ANKRD6: variants seen among roughly 807,000 people sequenced by gnomAD.
ANKRD6 encodes ankyrin repeat domain-containing protein 6.
ANKRD6 carries 56 observed loss-of-function variants against 82.3 expected under a neutral mutation model. The observed-to-expected ratio is 0.68, with a 90% confidence interval of 0.55 to 0.85. The LOEUF (loss-of-function observed/expected upper bound fraction) is 0.85. ANKRD6 is among the 40% of genes least tolerant of loss of function. ANKRD6 has a pLI of 0.00. For synonymous variants in ANKRD6, 347 were observed against 352.1 expected, an observed-to-expected ratio of 0.99 and a Z score of 0.16; for missense variants, 852 against 907.6, an observed-to-expected ratio of 0.94 and a Z score of 0.79.
intron 13 of ANKRD6, among the ~76,000 whole-genome samples, chr6:89,625,724 G>T (rs1805411760): frequency 6.7e-6 from 1 of 148,594 alleles, no homozygotes. Flanking sequence ...TCGTAAAATA[G>T]TATTTGTTAC....
rs1020570623 is a variant in ANKRD6, at chr6:89,533,722, A to G, written c.-143-33112A>G. Among the ~76,000 whole-genome samples the G allele has an allele frequency of 1.5e-4, 20 of 131,168 alleles. No individual in the cohort carries two copies. The South Asian group carries it at 4.3e-3, about 28-fold the overall frequency. The allele number at this position is 131,168 out of a possible 152,430, so 86.1% of individuals were successfully genotyped here. A position where few individuals can be genotyped will look rare whatever the true frequency, so the allele number is the denominator to read the frequency against. On this transcript the variant is annotated intron_variant, in intron 1 of 15. Transcript: ENST00000339746. The stretch of plus-strand genomic sequence containing the variant: ...CGAATGAGAGAGAGAGAGAGAGAGA[A>G]AATGAGTGTGTGTGTGTGTGTGTGT...
intron 1 of ANKRD6, among the ~76,000 whole-genome samples, chr6:89,451,176 G>A (rs1458357340): frequency 1.3e-5 from 2 of 152,124 alleles, no homozygotes; most frequent in Non-Finnish European, 2.9e-5. Flanking sequence ...GGGCATGGTG[G>A]CGTGTGCCTG....
chr6:89,458,305 T>C (rs1232876010), intron 1 of ANKRD6, among the ~76,000 whole-genome samples: 1 of 152,164 alleles, frequency 6.6e-6, no homozygotes, highest in Admixed American at 6.5e-5. Context: ...TTAGGTTTCT[T>C]TAGAGGGACA....
At chr6:89,556,411 T>C (rs966898174) in intron 1 of ANKRD6, among the ~76,000 whole-genome samples, 2 of 152,238 alleles carry the variant, frequency 1.3e-5, no homozygotes, top group African/African-American at 4.8e-5. Context: ...TATAAAGTTA[T>C]CTTTTATTGA....
intron 9 of ANKRD6, 45 bp downstream of exon 9, chr6:89,618,076 C>A: frequency 6.2e-7 from 1 of 1,603,540 alleles, no homozygotes; most frequent in Non-Finnish European, 8.5e-7. Flanking sequence ...TGCGGGACTA[C>A]AAAGTTGTTG....
At chr6:89,435,337 A>G (rs1015496962) in intron 1 of ANKRD6, among the ~76,000 whole-genome samples, 1 of 152,076 alleles carries the variant, frequency 6.6e-6, no homozygotes, top group African/African-American at 2.4e-5. Flanking sequence ...ACCCCTCTCC[A>G]TTGCCTTCCA....
intron 1 of ANKRD6, among the ~76,000 whole-genome samples, chr6:89,443,044 A>G (rs2127941479): frequency 6.6e-6 from 1 of 152,322 alleles, no homozygotes; most frequent in East Asian, 1.9e-4. Flanking sequence ...ATATTTTGGG[A>G]TAAAATACTT....
Position 89,612,353 on chromosome 6 carries a change from G to C in ANKRD6, c.499G>C (p.Ala167Pro). 1 of 1,558,580 alleles carries C rather than the reference G, an allele frequency of 6.4e-7. No homozygotes were observed. Among genetic ancestry groups the C allele is most frequent in the African/African-American group, 1.4e-5 (1 of 73,636 alleles). Reference protein sequence around the residue: ...TRVLLLAGSRADLKNNAGDTC... With the variant: ...TRVLLLAGSRPDLKNNAGDTC... ...CGTCCTCCTGCTGGCCGGGTCCCGC[G>C]CTGACCTCAAAAATAATGTGGGTGA... The change falls in exon 6 of 16, where the codon GCT becomes CCT. Residue 167 changes from alanine to proline, a missense_variant. Transcript: ENST00000339746.
chr6:89,598,682 A>T (rs1257659388), intron 3 of ANKRD6, among the ~76,000 whole-genome samples: 2 of 152,164 alleles, frequency 1.3e-5, no homozygotes, highest in Non-Finnish European at 2.9e-5. Flanking sequence ...TCTCAGAAAA[A>T]CTGAGAGCTG....
chr6:89,479,700 C>A (rs946529715), intron 1 of ANKRD6, among the ~76,000 whole-genome samples: 3 of 150,944 alleles, frequency 2.0e-5, no homozygotes, highest in African/African-American at 7.3e-5. Context: ...TATACATGTG[C>A]CATGCTGGTG....
chr6:89,508,616 A>G (rs1780157780), intron 1 of ANKRD6, among the ~76,000 whole-genome samples: 1 of 152,174 alleles, frequency 6.6e-6, no homozygotes, highest in Admixed American at 6.5e-5. Context: ...TGCCTCAGCT[A>G]CTGAGATTGA....
intron 2 of ANKRD6, among the ~76,000 whole-genome samples, chr6:89,589,270 G>A (rs559698115): frequency 2.0e-5 from 3 of 152,252 alleles, no homozygotes; most frequent in African/African-American, 4.8e-5. Context: ...CCCAGGCCCC[G>A]TGCAGTCAGT....
chr6:89,500,200 G>A (rs1329432332), intron 1 of ANKRD6, among the ~76,000 whole-genome samples: 1 of 152,122 alleles, frequency 6.6e-6, no homozygotes, highest in African/African-American at 2.4e-5. Flanking sequence ...GGTCACTTGA[G>A]CAACACAGGG....
At chr6:89,438,847 T>C (rs942792337) in intron 1 of ANKRD6, among the ~76,000 whole-genome samples, 1 of 152,298 alleles carries the variant, frequency 6.6e-6, no homozygotes, top group Admixed American at 6.5e-5. Flanking sequence ...TTTGCCACAT[T>C]GGCCAGTCTG....
intron 1 of ANKRD6, among the ~76,000 whole-genome samples, chr6:89,458,700 G>A (rs1773765315): frequency 1.3e-5 from 2 of 152,220 alleles, no homozygotes; most frequent in Admixed American, 6.5e-5. Context: ...TGCCCACCCA[G>A]ATTGAGGGTG....
Position 89,543,487 on chromosome 6 carries a change from T to A in ANKRD6, c.-143-23347T>A, listed in dbSNP as rs556114257. Among the ~76,000 whole-genome samples, 8 of 152,304 alleles carry A rather than the reference T, an allele frequency of 5.3e-5. No individual in the cohort carries two copies. In the East Asian group the frequency reaches 1.4e-3, roughly 26 times the overall value. ...CCCACTCTAACGAGAGAACCACCAT[T>A]TTAGATCCTGTGGTGTCAGGGTCAG... is the stretch of plus-strand genomic sequence containing the variant. On this transcript the variant is annotated intron_variant, in intron 1 of 15. Coordinates refer to ENST00000339746, the MANE Select transcript of ANKRD6 (RefSeq NM_001242809.2).
chr6:89,562,491 T>TA (rs1379507025), intron 1 of ANKRD6: 1 of 152,218 alleles, frequency 6.6e-6, no homozygotes, highest in African/African-American at 2.4e-5. Context: ...CTGCTGAAAT[T>TA]ATGCAAACTT....
chr6:89,477,567 T>C (rs1311155871), intron 1 of ANKRD6, among the ~76,000 whole-genome samples: 1 of 151,530 alleles, frequency 6.6e-6, no homozygotes, highest in Non-Finnish European at 1.5e-5. Flanking sequence ...GTCAGGAGTT[T>C]GAGACCATCC....
At chr6:89,537,586 TTATAA>T (rs1783984912) in intron 1 of ANKRD6, among the ~76,000 whole-genome samples, 1 of 151,694 alleles carries the variant, frequency 6.6e-6, no homozygotes, top group South Asian at 2.1e-4. Context: ...TATTATATAA[TTATAA>T]TATGTTTTAT....
Sources: allele counts gnomAD v4.1 joint callset (sites outside exome capture counted in the v4.1 genomes callset), GRCh38; gene constraint gnomAD v4.1.1; transcripts MANE v1.5; gene names NCBI Gene and HGNC (gene_info 2026-07-23, HGNC 2026-07-21).